P2RY6: variants seen among roughly 807,000 people sequenced by gnomAD.
The protein encoded by P2RY6 is P2Y purinoceptor 6.
In P2RY6, 19 loss-of-function variants were observed where a neutral mutation model predicts 16.3. The ratio of observed to expected loss-of-function variants is 1.16; its 90% CI spans 0.81 to 1.71. The LOEUF is 1.71. P2RY6 is among the 40% of genes most tolerant of loss of function. P2RY6 has a pLI of 0.00. For missense variants in P2RY6, 389 were observed against 455.5 expected, an observed-to-expected ratio of 0.85 and a Z score of 1.33; for synonymous variants, 184 against 201.5, an observed-to-expected ratio of 0.91 and a Z score of 0.74.
intron 1 of P2RY6, among the ~76,000 whole-genome samples, chr11:73,295,198 G>A (rs1209510596): frequency 2.0e-5 from 3 of 152,164 alleles, no homozygotes; most frequent in Non-Finnish European, 4.4e-5. Context: ...AACCCCTTAG[G>A]GTATTTGTGC....
upstream of P2RY6, among the ~76,000 whole-genome samples, chr11:73,269,708 G>A (rs1413691894): frequency 6.6e-6 from 1 of 152,222 alleles, no homozygotes; most frequent in African/African-American, 2.4e-5. Flanking sequence ...ACACATGGCT[G>A]ACAAGCCCCC....
At chr11:73,272,757 G>A (rs1031885681) in intron 1 of P2RY6, among the ~76,000 whole-genome samples, 1 of 152,244 alleles carries the variant, frequency 6.6e-6, no homozygotes, top group Non-Finnish European at 1.5e-5. Context: ...GCTCAGTCAG[G>A]ATTCGGAGCC....
rs778810069 is a variant in P2RY6, at chr11:73,296,580, G to A, written c.62G>A (p.Arg21His). The change falls in exon 3 of 3, where the codon CGC (arginine) becomes CAC (histidine). Residue 21 changes from arginine to histidine, a missense_variant. By Grantham distance (29) the Arg-to-His change is conservative. Transcript: ENST00000540124. ...TTGCCACCCACCACCTGTGTCTACC[G>A]CGAGAACTTCAAGCAACTGCTGCTG... Reference protein sequence around the residue: ...LGLPPTTCVYRENFKQLLLPP... With the variant: ...LGLPPTTCVYHENFKQLLLPP... The A allele has an allele frequency of 1.5e-5, 24 of 1,614,204 alleles. No individual in the cohort carries two copies. Among genetic ancestry groups the A allele is most frequent in the Admixed American group, 3.3e-5 (2 of 60,032 alleles).
At position 73,297,703 on chromosome 11, in the gene P2RY6, GGACA is replaced by G; in HGVS notation, c.*202_*205del. ...GCCCAGACCCTGTGGGCATGGAGAT[GGACA>G]GACCTGGGCCTGGCTCTTGAGAGGT... On this transcript the variant is annotated 3_prime_UTR_variant, in exon 3 of 3. Transcript: ENST00000540124. 2 of 606,302 alleles carry G rather than the reference GGACA, an allele frequency of 3.3e-6. No homozygotes were observed. Among genetic ancestry groups the G allele is most frequent in the Non-Finnish European group, 6.0e-6 (2 of 333,686 alleles). The allele number at this position is 606,302 out of a possible 1,614,324, so 37.6% of individuals were successfully genotyped here.
At chr11:73,289,685 C>CT (rs1292036863) in intron 1 of P2RY6, among the ~76,000 whole-genome samples, 4 of 152,320 alleles carry the variant, frequency 2.6e-5, no homozygotes, top group Admixed American at 2.6e-4. Flanking sequence ...CAGGGAAGAC[C>CT]TAACTCCCCT....
chr11:73,292,039 A>G (rs58436863), intron 1 of P2RY6, among the ~76,000 whole-genome samples: 11,969 of 152,284 alleles, frequency 0.079, 545 homozygotes, highest in Non-Finnish European at 0.095. Flanking sequence ...TGGGACAGTG[A>G]GGAGCCACAT....
At chr11:73,268,248 A>C (rs377338998), upstream of P2RY6, among the ~76,000 whole-genome samples, 9 of 152,288 alleles carry the variant, frequency 5.9e-5, no homozygotes, top group African/African-American at 2.2e-4. Context: ...CCTATGATGG[A>C]AGGCAAACAG....
upstream of P2RY6, chr11:73,269,914 T>A (rs985754967): frequency 2.2e-4 from 33 of 152,396 alleles, no homozygotes; most frequent in African/African-American, 7.9e-4. Flanking sequence ...GAGGGGCCCT[T>A]CCTGTCAGCT....
rs770660476 is a variant in P2RY6 at position 73,297,109 on chromosome 11, T to G, written c.591T>G (p.Thr197=). 1.2e-6 allele frequency: 2 copies of G among 1,604,062 alleles called. No individual in the cohort carries two copies. Among genetic ancestry groups the G allele is most frequent in the Non-Finnish European group, 1.7e-6 (2 of 1,179,944 alleles). ...THYMPYGMAL[T]VIGFLLPFAA... ...ATATGCCCTATGGCATGGCTCTCAC[T>G]GTCATCGGCTTCCTGCTGCCCTTTG... Residue 197 remains threonine, a synonymous_variant, in exon 3 of 3, where the codon ACT becomes ACG. Coordinates refer to ENST00000540124, the MANE Select transcript of P2RY6 (RefSeq NM_001277204.2).
upstream of P2RY6, chr11:73,271,759 T>A (rs1474573878): frequency 6.6e-6 from 1 of 152,282 alleles, no homozygotes; most frequent in Non-Finnish European, 1.5e-5. Context: ...TTCGCTTCTC[T>A]TTCCTTTTCC....
chr11:73,284,576 C>T (rs1288169338), intron 1 of P2RY6, among the ~76,000 whole-genome samples: 1 of 152,226 alleles, frequency 6.6e-6, no homozygotes, highest in Non-Finnish European at 1.5e-5. Context: ...AGCCCCAGGG[C>T]TGGCTTAAAG....
intron 1 of P2RY6, among the ~76,000 whole-genome samples, chr11:73,278,751 A>T (rs1325268522): frequency 6.6e-6 from 1 of 152,056 alleles, no homozygotes; most frequent in African/African-American, 2.4e-5. Flanking sequence ...ATCACATTTT[A>T]TTTATCTATT....
intron 1 of P2RY6, among the ~76,000 whole-genome samples, chr11:73,294,664 G>T (rs1864402933): frequency 6.6e-6 from 1 of 152,192 alleles, no homozygotes; most frequent in African/African-American, 2.4e-5. Flanking sequence ...TTATCATTTT[G>T]CCCAAAAATG....
chr11:73,287,812 T>A (rs1024248581), intron 1 of P2RY6, among the ~76,000 whole-genome samples: 2 of 152,212 alleles, frequency 1.3e-5, no homozygotes, highest in African/African-American at 2.4e-5. Context: ...GAGAGTTTTT[T>A]AGGAGGCCCT....
chr11:73,293,011 G>A (rs958958518), intron 1 of P2RY6: 5 of 710,404 alleles, frequency 7.0e-6, no homozygotes, highest in Non-Finnish European at 8.6e-6. Context: ...GTGACTTCGG[G>A]TAGGTAGGCT....
chr11:73,288,317 A>T (rs958701610), intron 1 of P2RY6, among the ~76,000 whole-genome samples: 1 of 152,212 alleles, frequency 6.6e-6, no homozygotes, highest in Non-Finnish European at 1.5e-5. Context: ...CTGGAGAGAA[A>T]CCAAAGGAAG....
chr11:73,272,849 G>A (rs1344254824), intron 1 of P2RY6, among the ~76,000 whole-genome samples: 1 of 152,152 alleles, frequency 6.6e-6, no homozygotes, highest in African/African-American at 2.4e-5. Context: ...TCTAAAATGG[G>A]GGCAACCGTG....
upstream of P2RY6, among the ~76,000 whole-genome samples, chr11:73,271,065 G>C (rs7106903): frequency 0.22 from 34,143 of 152,128 alleles, 4,951 homozygotes; most frequent in African/African-American, 0.41. Context: ...CCTCAAGTGC[G>C]TTGAACATTA....
chr11:73,274,640 A>G (rs552687947), intron 1 of P2RY6, among the ~76,000 whole-genome samples: 17 of 152,228 alleles, frequency 1.1e-4, no homozygotes, highest in African/African-American at 1.7e-4. Context: ...GCTAAGGCTC[A>G]GAGAAATTAA....
Sources: gnomAD v4.1 joint callset for allele counts (sites outside exome capture counted in the v4.1 genomes callset) on GRCh38, gnomAD v4.1.1 for gene constraint, MANE v1.5 for transcripts, NCBI Gene and HGNC (gene_info 2026-07-23, HGNC 2026-07-21) for gene names.